The following ALG6 variants were observed in gnomAD, a reference collection of about 807,000 sequenced individuals.
ALG6 encodes the protein dolichyl pyrophosphate Man9GlcNAc2 alpha-1,3-glucosyltransferase.
ALG6 carries 46 observed loss-of-function variants against 66.6 expected under a neutral mutation model. The ratio of observed to expected loss-of-function variants is 0.69; its 90% CI spans 0.55 to 0.88. The LOEUF is 0.88. ALG6 is among the 40% of genes least tolerant of loss of function. The pLI is 0.00. For missense variants in ALG6, 505 were observed against 586.8 expected (o/e 0.86, Z 1.44); for synonymous variants, 185 against 203.7 (o/e 0.91, Z 0.78).
rs1057517952 is a variant in ALG6 at position 63,415,875 on chromosome 1, TTTG to T, written c.908_910del (p.Cys303del). On this transcript the variant is annotated inframe_deletion, in exon 11 of 15. Coordinates refer to ENST00000263440, the MANE Select transcript of ALG6 (RefSeq NM_013339.4). ...TTTGATTTGTATTAATTTTTTAGCT[TTTG>T]TTCTACGTTTTTGAGCCTGCTTCCT... is the stretch of plus-strand genomic sequence containing the variant. 1.2e-5 allele frequency: 20 copies of T among 1,600,196 alleles called. No homozygotes were observed. The highest frequency in any genetic ancestry group is 1.6e-5 in the Non-Finnish European group (19 of 1,168,342).
In ALG6 at chr1:63,415,898, C is replaced by A. The variant is rs1484339707; in HGVS notation, c.928C>A (p.Leu310Ile). Residue 310 changes from leucine to isoleucine, a missense_variant, in exon 11 of 15, where the codon CTT becomes ATT. Physicochemically the swap from Leu to Ile is conservative, Grantham distance 5. Coordinates refer to ENST00000263440, the MANE Select transcript of ALG6 (RefSeq NM_013339.4). ...CTTTTGTTCTACGTTTTTGAGCCTG[C>A]TTCCTGCATGCATAAAATTAATACT... The part of the protein sequence containing the change: ...MSFCSTFLSL[L>I]PACIKLILQP... 2 of 1,611,418 alleles carry A rather than the reference C, an allele frequency of 1.2e-6. No individual in the cohort carries two copies. Among genetic ancestry groups the A allele is most frequent in the South Asian group, 2.2e-5 (2 of 90,856 alleles).
chr1:63,425,903 C>T (rs11208214), intron 12 of ALG6, among the ~76,000 whole-genome samples: 24,431 of 151,752 alleles, frequency 0.16, 2,334 homozygotes, highest in South Asian at 0.22. Context: ...TTGAAGATCT[C>T]GGTAGGATCA....
chr1:63,381,066 T>A (rs182430089), intron 2 of ALG6, among the ~76,000 whole-genome samples: 1 of 152,306 alleles, frequency 6.6e-6, no homozygotes. Context: ...ACACCTGTAA[T>A]CCCAGCACTT....
At position 63,374,086 on chromosome 1, in the gene ALG6, A is replaced by G. The variant is rs1180253325; in HGVS notation, c.82+3027A>G. Among the ~76,000 whole-genome samples the G allele has an allele frequency of 3.3e-5, 5 of 152,234 alleles. No homozygotes were observed. The East Asian group carries it at 5.8e-4, about 18-fold the overall frequency. On this transcript the variant is annotated intron_variant, in intron 2 of 14. Transcript: ENST00000263440. ...AATATCTTCGATTTACAAATGGAAA[A>G]TGAGACAACCAATAAATGACAACTG...
intron 2 of ALG6, among the ~76,000 whole-genome samples, chr1:63,380,313 A>G (rs1359985856): frequency 1.3e-5 from 2 of 152,248 alleles, no homozygotes; most frequent in Non-Finnish European, 2.9e-5. Context: ...GGTAGTTATC[A>G]AATGGACATA....
At chr1:63,386,136 G>T (rs549777715) in intron 2 of ALG6, among the ~76,000 whole-genome samples, 4 of 152,268 alleles carry the variant, frequency 2.6e-5, no homozygotes, top group African/African-American at 7.2e-5. Context: ...TGCATATGTT[G>T]AGCCATTCTT....
At chr1:63,380,445 A>G (rs762209624) in intron 2 of ALG6, among the ~76,000 whole-genome samples, 4 of 149,040 alleles carry the variant, frequency 2.7e-5, no homozygotes, top group Non-Finnish European at 5.9e-5. Flanking sequence ...GTAACTTATA[A>G]TATTACTTTT....
intron 2 of ALG6, among the ~76,000 whole-genome samples, chr1:63,373,809 A>G (rs1648020265): frequency 6.6e-6 from 1 of 151,548 alleles, no homozygotes; most frequent in African/African-American, 2.4e-5. Context: ...TTTAGTAAAG[A>G]TGAGGTCTCA....
At chr1:63,371,666 G>A (rs1033728324) in intron 2 of ALG6, among the ~76,000 whole-genome samples, 6 of 151,722 alleles carry the variant, frequency 4.0e-5, no homozygotes, top group Non-Finnish European at 5.9e-5. Context: ...GTTCAGTGGC[G>A]CAATCTTGGC....
chr1:63,427,787 C>CTTTTTT (rs540658412), intron 12 of ALG6, among the ~76,000 whole-genome samples: 1 of 109,974 alleles, frequency 9.1e-6, no homozygotes, highest in African/African-American at 4.0e-5. Flanking sequence ...CCCTAAACAA[C>CTTTTTT]TTTTTTTTTT....
chr1:63,438,104 T>C lies in ALG6; in HGVS notation c.*1084T>C, dbSNP rs572053863. The stretch of plus-strand genomic sequence containing the variant: ...TTAAACTATATTAAGTGGTGGTATA[T>C]TTTAATATAGTGCAAATCAAACCAC... On this transcript the variant is annotated 3_prime_UTR_variant, in exon 15 of 15. Coordinates refer to ENST00000263440, the MANE Select transcript of ALG6 (RefSeq NM_013339.4). 2 of 152,290 alleles carry C rather than the reference T, an allele frequency of 1.3e-5. No individual in the cohort carries two copies. The highest frequency in any genetic ancestry group is 3.9e-4 in the East Asian group (2 of 5,188). The allele number at this position is 152,290 out of a possible 1,614,324, so 9.4% of individuals were successfully genotyped here. A position where few individuals can be genotyped will look rare whatever the true frequency, so the allele number is the denominator to read the frequency against.
At chr1:63,393,144 C>G (rs1378508290) in intron 2 of ALG6, among the ~76,000 whole-genome samples, 1 of 152,148 alleles carries the variant, frequency 6.6e-6, no homozygotes, top group Non-Finnish European at 1.5e-5. Context: ...AAAGTCAACT[C>G]CTTTCCACCC....
At position 63,385,320 on chromosome 1, in the gene ALG6, C is replaced by T. The variant is rs576455635; in HGVS notation, c.83-11193C>T. Reference sequence around the variant, plus strand: ...GTTAAAGCAATTCTCCTGCCTCAGTCTCCTGAGTAGCTGGGATTATAGGCG... The same window carrying T: ...GTTAAAGCAATTCTCCTGCCTCAGTTTCCTGAGTAGCTGGGATTATAGGCG... On this transcript the variant is annotated intron_variant, in intron 2 of 14. Transcript: ENST00000263440. Among the ~76,000 whole-genome samples, 349 of 149,984 alleles carry T rather than the reference C, an allele frequency of 2.3e-3. 1 individual carries two copies. The highest frequency in any genetic ancestry group is 3.5e-3 in the Middle Eastern group (1 of 286).
At chr1:63,424,367 C>G (rs922259756) in intron 12 of ALG6, among the ~76,000 whole-genome samples, 6 of 152,148 alleles carry the variant, frequency 3.9e-5, no homozygotes, top group African/African-American at 1.4e-4. Flanking sequence ...TCTTGAACTC[C>G]TGACCTCGTG....
intron 5 of ALG6, 128 bp from the exon 6 acceptor site, chr1:63,406,189 G>A: frequency 6.3e-6 from 5 of 794,790 alleles, no homozygotes; most frequent in Middle Eastern, 3.1e-4. Context: ...ACTGTGTAAA[G>A]GACTTGTCCA....
At chr1:63,413,224 C>G (rs538062374) in intron 9 of ALG6, among the ~76,000 whole-genome samples, 5 of 152,286 alleles carry the variant, frequency 3.3e-5, no homozygotes, top group African/African-American at 1.2e-4. Context: ...AAATTGTTTT[C>G]CTAACCTCTT....
intron 2 of ALG6, among the ~76,000 whole-genome samples, chr1:63,392,260 T>C (rs1648695850): frequency 6.6e-6 from 1 of 151,966 alleles, no homozygotes; most frequent in African/African-American, 2.4e-5. Context: ...AACCTCTGCC[T>C]CCCAGGTTCA....
At chr1:63,387,758 T>C (rs970351620) in intron 2 of ALG6, among the ~76,000 whole-genome samples, 1 of 151,874 alleles carries the variant, frequency 6.6e-6, no homozygotes, top group African/African-American at 2.4e-5. Flanking sequence ...GCCAGGCTGG[T>C]CTTGAACTCC....
Position 63,414,072 on chromosome 1 carries a change from C to G in ALG6, c.828C>G (p.Ala276=), listed in dbSNP as rs1325407009. The G allele has an allele frequency of 1.9e-6, 3 of 1,610,702 alleles. No individual in the cohort carries two copies. The African/African-American group carries it at 4.0e-5, about 22-fold the overall frequency. The change falls in exon 10 of 15, where the codon GCC becomes GCG. Residue 276 remains alanine, a synonymous_variant. Transcript: ENST00000263440. The part of the protein sequence containing the change: ...VDRGLFEDKV[A]NIWCSFNVFL... ...AAATCTCTTTTAAGGATAAAGTAGC[C>G]AATATTTGGTGCAGCTTCAATGTCT...
Sources: gnomAD v4.1 joint callset for allele counts (sites outside exome capture counted in the v4.1 genomes callset) on GRCh38, gnomAD v4.1.1 for gene constraint, MANE v1.5 for transcripts, NCBI Gene and HGNC (gene_info 2026-07-23, HGNC 2026-07-21) for gene names.